SLX4: variants seen among roughly 807,000 people sequenced by gnomAD.
SLX4 encodes the protein structure-specific endonuclease subunit SLX4.
SLX4 carries 112 observed loss-of-function variants against 146.2 expected under a neutral mutation model. That is an observed-to-expected ratio of 0.77 (90% CI 0.66 to 0.90). SLX4 has a LOEUF of 0.90. Ranked by LOEUF, SLX4 falls within the 40% of genes least tolerant of loss-of-function variation. The pLI, the probability that SLX4 is intolerant of heterozygous loss-of-function variation, is 0.00. For synonymous variants in SLX4, 1,061 were observed against 997.7 expected, an observed-to-expected ratio of 1.06 and a Z score of -1.20; for missense variants, 2,563 against 2,392.7, an observed-to-expected ratio of 1.07 and a Z score of -1.49.
intron 2 of SLX4, among the ~76,000 whole-genome samples, chr16:3,607,917 C>G (rs2040805170): frequency 1.3e-5 from 2 of 152,180 alleles, no homozygotes; most frequent in African/African-American, 4.8e-5. Flanking sequence ...TTGTGTAACT[C>G]ATGTCAATCA....
At chr16:3,602,036 T>C in intron 4 of SLX4, 82 bp downstream of exon 4, 1 of 1,545,130 alleles carries the variant, frequency 6.5e-7, no homozygotes, top group Non-Finnish European at 8.9e-7. Context: ...TGGTAAGGTG[T>C]GGAGATCCGC....
rs1288564463 is a variant in SLX4, at chr16:3,590,922, T to A, written c.2716A>T (p.Met906Leu). Residue 906 changes from methionine to leucine, a missense_variant, in exon 12 of 15, where the codon ATG becomes TTG. Physicochemically the swap from Met to Leu is conservative, Grantham distance 15. Transcript: ENST00000294008. The surrounding 1 kb of genome is among the most constrained non-coding windows in gnomAD (Gnocchi z 4.8). ...TCTCTTCCTGGCTCCAACGGCTCCA[T>A]CTCCTCCACCTTGTCCCACTGTTTC... is the stretch of plus-strand genomic sequence containing the variant. The part of the protein sequence containing the change: ...VQKQWDKVEE[M>L]EPLEPGRDEA... 7.4e-6 allele frequency: 12 copies of A among 1,614,016 alleles called. No homozygotes were observed. The highest frequency in any genetic ancestry group is 1.0e-5 in the Non-Finnish European group (12 of 1,179,982).
At chr16:3,598,051 C>A (rs777827381) in intron 5 of SLX4, 52 bp from the exon 6 acceptor site, 5 of 1,608,788 alleles carry the variant, frequency 3.1e-6, no homozygotes, top group Non-Finnish European at 4.3e-6. Flanking sequence ...GTGCACGCTT[C>A]TCAGGTTGGT....
chr16:3,604,756 T>G (rs71388529), intron 3 of SLX4, among the ~76,000 whole-genome samples: 9,282 of 149,368 alleles, frequency 0.062, 306 homozygotes, highest in Admixed American at 0.072. Context: ...GGAGGTGGAG[T>G]TTGCAGTGAG....
At chr16:3,587,593 C>T (rs749423613) in intron 12 of SLX4, among the ~76,000 whole-genome samples, 1 of 152,200 alleles carries the variant, frequency 6.6e-6, no homozygotes, top group African/African-American at 2.4e-5. Context: ...TTCCTGTGGC[C>T]GCAGCGTCGT....
In SLX4 at chr16:3,597,080, C is replaced by T. The variant is rs567229077; in HGVS notation, c.1683+299G>A. 6.6e-6 allele frequency among the ~76,000 whole-genome samples: 1 copy of T among 152,272 alleles called. No homozygotes were observed. Among genetic ancestry groups the T allele is most frequent in the East Asian group, 1.9e-4 (1 of 5,180 alleles). ...TCGTGATCCGCCCACCTCAGCCTCCCAAAGTGCAGGGATTACGGGCGTGAG... is the reference window on the plus strand; with the variant it reads ...TCGTGATCCGCCCACCTCAGCCTCCTAAAGTGCAGGGATTACGGGCGTGAG... On this transcript the variant is annotated intron_variant, in intron 7 of 14. Transcript: ENST00000294008. This position sits in a 1 kb window ranked among gnomAD's most constrained non-coding sequence, Gnocchi z 4.4.
At chr16:3,587,111 A>G (rs1044995529) in intron 12 of SLX4, among the ~76,000 whole-genome samples, 1 of 152,228 alleles carries the variant, frequency 6.6e-6, no homozygotes, top group African/African-American at 2.4e-5. Context: ...CAATTGTACA[A>G]CACTGTGAAT....
At position 3,582,508 on chromosome 16, in the gene SLX4, T is replaced by G. The variant is rs1244376792; in HGVS notation, c.5339A>C (p.Glu1780Ala). ...VLLYQPFELR[E>A]LQAELRQNGL... ...GTTCTGCCTCAGCTCTGCCTGCAGC[T>G]CCCGCAGCTCAAAGGGCTGGTACAG... Residue 1780 changes from glutamate (E) to alanine (A), a missense_variant, in exon 15 of 15, where the codon GAG becomes GCG. Physicochemically the swap from Glu to Ala is moderately radical, Grantham distance 107. Coordinates refer to ENST00000294008, the MANE Select transcript of SLX4 (RefSeq NM_032444.4). 10 of 1,613,900 alleles carry G rather than the reference T, an allele frequency of 6.2e-6. No individual in the cohort carries two copies. Among genetic ancestry groups the G allele is most frequent in the Non-Finnish European group, 7.6e-6 (9 of 1,180,044 alleles).
At position 3,589,355 on chromosome 16, in the gene SLX4, C is replaced by T. The variant is rs1028935047; in HGVS notation, c.4283G>A (p.Trp1428Ter). The T allele has an allele frequency of 1.1e-5, 18 of 1,582,440 alleles. No homozygotes were observed. Among genetic ancestry groups the T allele is most frequent in the Non-Finnish European group, 1.5e-5 (17 of 1,161,478 alleles). ...AATTGGCGAGAGGGGCTCCATGTGC[C>T]AGCAGCAGTCGTCAATTGGAATTGG... ...DPPIPIDDCC[W>*]HMEPLSPIPI... The change falls in exon 12 of 15, where the codon TGG (tryptophan) becomes TAG (stop). Residue 1428 changes from tryptophan (W) to a stop codon, truncating the protein, a stop_gained. Transcript: ENST00000294008. LOFTEE classifies it high-confidence loss of function. The surrounding 1 kb of genome is among the most constrained non-coding windows in gnomAD (Gnocchi z 6.2).
chr16:3,582,217 T>G lies in SLX4; in HGVS notation c.*125A>C. On this transcript the variant is annotated 3_prime_UTR_variant, in exon 15 of 15. Transcript: ENST00000294008. ...GGTCATCATCACAGCGCAGAGCTGA[T>G]GTGGTCCCCAGGCCCAGAAATGCCT... The G allele has an allele frequency of 1.3e-6, 1 of 746,934 alleles. No individual in the cohort carries two copies. The highest frequency in any genetic ancestry group is 2.2e-6 in the Non-Finnish European group (1 of 446,302). The allele number at this position is 746,934 out of a possible 1,614,324, so 46.3% of individuals were successfully genotyped here. A position where few individuals can be genotyped will look rare whatever the true frequency, so the allele number is the denominator to read the frequency against.
At chr16:3,598,954 T>C (rs1047166932) in intron 5 of SLX4, among the ~76,000 whole-genome samples, 3 of 152,150 alleles carry the variant, frequency 2.0e-5, no homozygotes, top group Admixed American at 2.0e-4. Flanking sequence ...GCTTGGCCTT[T>C]GGGGAGGGAG....
In SLX4 at chr16:3,590,460, G is replaced by A. The variant is rs144273492; in HGVS notation, c.3178C>T (p.Arg1060Trp). 805 of 1,614,132 alleles carry A rather than the reference G, an allele frequency of 5.0e-4. 7 individuals carry two copies. The highest frequency in any genetic ancestry group is 4.8e-4 in the African/African-American group (36 of 75,068). Residue 1060 changes from arginine (R) to tryptophan (W), a missense_variant, in exon 12 of 15, where the codon CGG becomes TGG. Coordinates refer to ENST00000294008, the MANE Select transcript of SLX4 (RefSeq NM_032444.4). This position sits in a 1 kb window ranked among gnomAD's most constrained non-coding sequence, Gnocchi z 4.8. ...ACCTGGGAAGTTCCGCCACGGGACC[G>A]GGGTGTTGACAGGGACGACCCACTT... ...HTSGSSLSTP[R>W]SRGGTSQVGS...
At position 3,597,475 on chromosome 16, in the gene SLX4, A is replaced by G. The variant is rs2040675195; in HGVS notation, c.1587T>C (p.Phe529=). The G allele has an allele frequency of 1.9e-6, 3 of 1,613,798 alleles. No individual in the cohort carries two copies. The highest frequency in any genetic ancestry group is 2.7e-5 in the African/African-American group (2 of 74,880). Reference sequence around the variant, plus strand: ...CAGTCAGTGCGCTGCCCTCCCACAGAAAGCTCTGCTTGCGTTCAGGTGGAG... The same window carrying G: ...CAGTCAGTGCGCTGCCCTCCCACAGGAAGCTCTGCTTGCGTTCAGGTGGAG... The part of the protein sequence containing the change: ...CPPPPERKQS[F]LWEGSALTGA... The change falls in exon 7 of 15, where the codon TTT becomes TTC. Residue 529 remains phenylalanine (F), a synonymous_variant. Transcript: ENST00000294008. The surrounding 1 kb of genome is among the most constrained non-coding windows in gnomAD (Gnocchi z 4.4).
intron 9 of SLX4, among the ~76,000 whole-genome samples, chr16:3,595,340 G>A (rs2040638931): frequency 6.6e-6 from 1 of 152,208 alleles, no homozygotes; most frequent in Admixed American, 6.5e-5. Flanking sequence ...AGGCTCTGGG[G>A]CCTCAACCCC....
rs199991212 is a variant in SLX4 at position 3,590,559 on chromosome 16, C to G, written c.3079G>C (p.Ala1027Pro). ...EVSHRLAPWQ[A>P]SPPHPCRFLL... is the part of the protein sequence containing the mutation. Reference sequence around the variant, plus strand: ...AAGCGGCACGGGTGCGGTGGAGATGCCTGCCAGGGAGCCAGGCGATGAGAA... The same window carrying G: ...AAGCGGCACGGGTGCGGTGGAGATGGCTGCCAGGGAGCCAGGCGATGAGAA... The change falls in exon 12 of 15, where the codon GCA becomes CCA. Residue 1027 changes from alanine (A) to proline (P), a missense_variant. Transcript: ENST00000294008. This position sits in a 1 kb window ranked among gnomAD's most constrained non-coding sequence, Gnocchi z 4.8. 4 of 1,612,266 alleles carry G rather than the reference C, an allele frequency of 2.5e-6. No individual in the cohort carries two copies. In the East Asian group the frequency reaches 6.7e-5, roughly 27 times the overall value.
chr16:3,609,300 C>T lies in SLX4; in HGVS notation c.-336G>A, dbSNP rs563512173. On this transcript the variant is annotated 5_prime_UTR_variant, in exon 2 of 15. Transcript: ENST00000294008. Reference sequence around the variant, plus strand: ...GCAGATGCCTGTAATCCCAGCTACTCGGGAGGCAGAGGCAAGAGAATCGCT... The same window carrying T: ...GCAGATGCCTGTAATCCCAGCTACTTGGGAGGCAGAGGCAAGAGAATCGCT... The T allele has an allele frequency of 5.5e-5, 15 of 274,710 alleles. No individual in the cohort carries two copies. In the Admixed American group the frequency reaches 5.8e-4, roughly 11 times the overall value. The allele number at this position is 274,710 out of a possible 1,614,324, so 17.0% of individuals were successfully genotyped here.
Position 3,591,016 on chromosome 16 carries a change from G to A in SLX4, c.2622C>T (p.Gly874=), listed in dbSNP as rs1407514660. 5.6e-6 allele frequency: 9 copies of A among 1,614,002 alleles called. No homozygotes were observed. The African/African-American group carries it at 6.7e-5, about 12-fold the overall frequency. ...CACCCTCCAGCCAGTCAGCGTCCTC[G>A]CCGGCACCCGCTGCCCTTTCTTCCT... ...LLQEERAAGA[G]EDADWLEGGS... is the part of the protein sequence containing the mutation. The change falls in exon 12 of 15, where the codon GGC becomes GGT. Residue 874 remains glycine, a synonymous_variant. Coordinates refer to ENST00000294008, the MANE Select transcript of SLX4 (RefSeq NM_032444.4).
At chr16:3,608,296 C>A in intron 2 of SLX4, 134 bp downstream of exon 2, 1 of 935,822 alleles carries the variant, frequency 1.1e-6, no homozygotes, top group South Asian at 1.4e-5. Context: ...ATATTGTCCA[C>A]GCCTGCTTTC....
At chr16:3,607,952 C>G (rs2040805479) in intron 2 of SLX4, among the ~76,000 whole-genome samples, 1 of 152,196 alleles carries the variant, frequency 6.6e-6, no homozygotes, top group East Asian at 1.9e-4. Context: ...ATAGGAAATT[C>G]TGAAAGAGCA....
Sources: allele counts gnomAD v4.1 joint callset (sites outside exome capture counted in the v4.1 genomes callset), GRCh38; gene constraint gnomAD v4.1.1; non-coding constraint Gnocchi (gnomAD v3.1); transcripts MANE v1.5; gene names NCBI Gene and HGNC (gene_info 2026-07-23, HGNC 2026-07-21).